The following DNAH10 variants were observed in gnomAD, a reference collection of about 807,000 sequenced individuals.
DNAH10 encodes the protein axonemal beta dynein heavy chain 10.
A neutral mutation model predicts 506.6 loss-of-function variants in DNAH10; 348 were observed. The observed-to-expected ratio is 0.69, with a 90% CI of 0.63 to 0.75. DNAH10 has a LOEUF of 0.75. DNAH10 is among the 30% of genes least tolerant of loss of function. The pLI, the probability that DNAH10 is intolerant of heterozygous loss-of-function variation, is 0.00. For missense variants in DNAH10, 5,179 were observed against 5,787.1 expected (o/e 0.89, Z 3.41); for synonymous variants, 2,059 against 2,198.6 (o/e 0.94, Z 1.78).
At chr12:123,900,602 G>A (rs1953476131) in intron 56 of DNAH10, among the ~76,000 whole-genome samples, 1 of 152,120 alleles carries the variant, frequency 6.6e-6, no homozygotes, top group African/African-American at 2.4e-5. Context: ...TGGAATTTTG[G>A]AGGAAGCTTC....
chr12:123,762,533 A>T lies in DNAH10; in HGVS notation c.197A>T (p.Glu66Val). ...LFIYRTMVPE[E>V]VEVEIDEIPV... ...ATCTACCGCACTATGGTGCCGGAGG[A>T]GGTGGAGGTGGAGATTGGTGAGCCT... The change falls in exon 1 of 79, where the codon GAG becomes GTG. Residue 66 changes from glutamate (E) to valine (V), a missense_variant. This residue lies in a region of DNAH10 where 326 missense variants were observed against 330.8 expected (regional missense o/e 0.99). Coordinates refer to ENST00000673944, the MANE Select transcript of DNAH10 (RefSeq NM_001372106.1). The surrounding 1 kb of genome is among the most constrained non-coding windows in gnomAD (Gnocchi z 5.0). 6.4e-7 allele frequency: 1 copy of T among 1,557,156 alleles called. No homozygotes were observed. The highest frequency in any genetic ancestry group is 1.2e-5 in the South Asian group (1 of 83,708).
Position 123,814,106 on chromosome 12 carries a change from G to A in DNAH10, c.3780+194G>A. On this transcript the variant is annotated intron_variant, in intron 21 of 78. Transcript: ENST00000673944. ...ATATAGAGTATTTTTCAATCTGTAT[G>A]GCTCAAATGGATTGATCTGTAACTA... 5.8e-6 allele frequency: 3 copies of A among 520,812 alleles called. No homozygotes were observed. The Admixed American group carries it at 1.2e-4, about 20-fold the overall frequency. The allele number at this position is 520,812 out of a possible 1,614,324, so 32.3% of individuals were successfully genotyped here.
intron 18 of DNAH10, 74 bp downstream of exon 18, chr12:123,805,114 G>A (rs914902937): frequency 6.8e-7 from 1 of 1,473,550 alleles, no homozygotes; most frequent in Non-Finnish European, 9.2e-7. Context: ...GACAGTTAGA[G>A]GGGGTGGCAA....
intron 25 of DNAH10, among the ~76,000 whole-genome samples, chr12:123,829,168 G>A (rs952739722): frequency 1.3e-5 from 2 of 152,194 alleles, no homozygotes; most frequent in Admixed American, 6.5e-5. Context: ...TTAGGGGAGT[G>A]GGGTGGTCGA....
Position 123,850,937 on chromosome 12 carries a change from C to T in DNAH10, c.6152C>T (p.Thr2051Ile). 1.9e-6 allele frequency: 3 copies of T among 1,613,918 alleles called. No homozygotes were observed. Among genetic ancestry groups the T allele is most frequent in the Non-Finnish European group, 2.5e-6 (3 of 1,179,878 alleles). ...GACTCCCGCATGGGCATCTTCATCA[C>T]CATGAACCCCGGCTACGCAGGCCGC... The part of the protein sequence containing the change: ...SLDSRMGIFI[T>I]MNPGYAGRTE... Residue 2051 changes from threonine (T) to isoleucine (I), a missense_variant, in exon 35 of 79, where the codon ACC becomes ATC. Transcript: ENST00000673944. This position sits in a 1 kb window ranked among gnomAD's most constrained non-coding sequence, Gnocchi z 5.5.
chr12:123,822,453 G>T lies in DNAH10; in HGVS notation c.4179+1695G>T, dbSNP rs151192272. ...TTCTTGAGAAACAGAATCAATAGGA[G>T]ATATGTGTATCTATATCTATATCTG... is the stretch of plus-strand genomic sequence containing the variant. On this transcript the variant is annotated intron_variant, in intron 24 of 78. Coordinates refer to ENST00000673944, the MANE Select transcript of DNAH10 (RefSeq NM_001372106.1). Among the ~76,000 whole-genome samples the T allele has an allele frequency of 1.7e-3, 255 of 152,216 alleles. 2 individuals are homozygous for T. Among genetic ancestry groups the T allele is most frequent in the African/African-American group, 5.8e-3 (240 of 41,536 alleles).
intron 10 of DNAH10, 70 bp from the exon 11 acceptor site, chr12:123,789,857 C>G: frequency 7.1e-7 from 1 of 1,402,034 alleles, no homozygotes. Flanking sequence ...GATATGCTAT[C>G]CATTTGTAGT....
In DNAH10 at chr12:123,859,284, G is replaced by T. The variant is rs377357497; in HGVS notation, c.6749+16G>T. 1.3e-6 allele frequency: 2 copies of T among 1,553,760 alleles called. No individual in the cohort carries two copies. The highest frequency in any genetic ancestry group is 1.2e-5 in the South Asian group (1 of 80,770). ...CCCAGACCAAGTGAGTATGACCTCCGTAGGGAGGGCCTGGCTGCCACAGGG... is the reference window on the plus strand; with the variant it reads ...CCCAGACCAAGTGAGTATGACCTCCTTAGGGAGGGCCTGGCTGCCACAGGG... On this transcript the variant is annotated intron_variant, in intron 38 of 78. Transcript: ENST00000673944.
chr12:123,873,900 C>T (rs1952134939), intron 46 of DNAH10, among the ~76,000 whole-genome samples, 190 bp downstream of exon 46: 1 of 152,120 alleles, frequency 6.6e-6, no homozygotes, highest in Non-Finnish European at 1.5e-5. Context: ...CACAGAGGGA[C>T]CTTTCCCTGA....
chr12:123,770,487 A>ATTTTTTTTTTTTTTTTTTTTTTTTT (rs56670119), intron 2 of DNAH10, among the ~76,000 whole-genome samples: 1 of 133,174 alleles, frequency 7.5e-6, no homozygotes, highest in Non-Finnish European at 1.6e-5. Flanking sequence ...CGTAAGTGTG[A>ATTTTTTTTTTTTTTTTTTTTTTTTT]TTTTTTTTTT....
intron 9 of DNAH10, among the ~76,000 whole-genome samples, chr12:123,786,331 T>G (rs1045976976): frequency 6.7e-6 from 1 of 149,484 alleles, no homozygotes. Context: ...AAAAAAAAAG[T>G]ACAATTCATT....
chr12:123,771,432 A>AGG (rs1957248813), intron 2 of DNAH10, among the ~76,000 whole-genome samples, 169 bp from the exon 3 acceptor site: 1 of 152,226 alleles, frequency 6.6e-6, no homozygotes, highest in Non-Finnish European at 1.5e-5. Context: ...GTCAATTACA[A>AGG]TGTGAGTCAA....
At position 123,771,584 on chromosome 12, in the gene DNAH10, T is replaced by C; in HGVS notation, c.299-17T>C. 1.9e-6 allele frequency: 3 copies of C among 1,608,214 alleles called. No individual in the cohort carries two copies. The highest frequency in any genetic ancestry group is 1.1e-5 in the South Asian group (1 of 90,122). On this transcript the variant is annotated splice_polypyrimidine_tract_variant and intron_variant, in intron 2 of 78. Transcript: ENST00000673944. Reference sequence around the variant, plus strand: ...ATTTTCTGATTATTTTCTCTTAAACTGATTGCTGTTTTGCAGCTAAGCGTG... The same window carrying C: ...ATTTTCTGATTATTTTCTCTTAAACCGATTGCTGTTTTGCAGCTAAGCGTG...
At chr12:123,875,635 C>T in intron 47 of DNAH10, 144 bp downstream of exon 47, 1 of 1,014,888 alleles carries the variant, frequency 9.9e-7, no homozygotes, top group Non-Finnish European at 1.4e-6. Context: ...TAATTTCTTG[C>T]AAAATCAGAA....
intron 36 of DNAH10, among the ~76,000 whole-genome samples, chr12:123,856,102 TA>T (rs1347346743): frequency 1.4e-5 from 2 of 147,500 alleles, no homozygotes; most frequent in South Asian, 2.1e-4. Flanking sequence ...TTATACTATA[TA>T]ATATACATAA....
At position 123,913,559 on chromosome 12, in the gene DNAH10, C is replaced by T. The variant is rs1023046186; in HGVS notation, c.10352+244C>T. Among the ~76,000 whole-genome samples the T allele has an allele frequency of 2.0e-5, 3 of 152,156 alleles. No homozygotes were observed. Among genetic ancestry groups the T allele is most frequent in the Non-Finnish European group, 1.5e-5 (1 of 68,036 alleles). On this transcript the variant is annotated intron_variant, in intron 60 of 78. Transcript: ENST00000673944. The surrounding 1 kb of genome is among the most constrained non-coding windows in gnomAD (Gnocchi z 5.1). ...CAAGGAGGCAGTGCAGCTGTGGAGA[C>T]GGGGGAATCCATACCATTTAGCAGG... is the stretch of plus-strand genomic sequence containing the variant.
rs757870563 is a variant in DNAH10 at position 123,898,808 on chromosome 12, G to T, written c.9634G>T (p.Ala3212Ser). 5 of 1,607,126 alleles carry T rather than the reference G, an allele frequency of 3.1e-6. No homozygotes were observed. The highest frequency in any genetic ancestry group is 3.4e-6 in the Non-Finnish European group (4 of 1,176,628). ...GCTGGAGGAGATCGCCGTCAACACC[G>T]CTGTAGGTGAGTGAGGGCGGGGCCA... ...ALLEEIAVNT[A>S]VAEEKKKLAE... Residue 3212 changes from alanine to serine, a missense_variant, in exon 56 of 79, where the codon GCT (alanine) becomes TCT (serine). Ala to Ser is a moderately conservative substitution (Grantham distance 99, BLOSUM62 1). Around this residue, in one of 3 missense-constraint regions of DNAH10, gnomAD observed 4,844 missense variants for 5,430.5 expected, o/e 0.89. Transcript: ENST00000673944.
intron 11 of DNAH10, among the ~76,000 whole-genome samples, chr12:123,793,732 A>T (rs1048753108): frequency 4.6e-5 from 7 of 152,332 alleles, no homozygotes; most frequent in African/African-American, 1.2e-4. Context: ...TTAATACTTT[A>T]AAAAATTCCT....
At chr12:123,836,800 C>G (rs1484484391) in intron 28 of DNAH10, among the ~76,000 whole-genome samples, 1 of 151,880 alleles carries the variant, frequency 6.6e-6, no homozygotes, top group East Asian at 1.9e-4. Context: ...TGGGCGATCA[C>G]TTGAAGTCAG....
Sources: allele counts gnomAD v4.1 joint callset (sites outside exome capture counted in the v4.1 genomes callset), GRCh38; gene constraint gnomAD v4.1.1; regional missense constraint gnomAD v4.1.1; non-coding constraint Gnocchi (gnomAD v3.1); transcripts MANE v1.5; gene names NCBI Gene and HGNC (gene_info 2026-07-23, HGNC 2026-07-21).